CASS4: variants seen among roughly 807,000 people sequenced by gnomAD.
CASS4 encodes the protein cas scaffolding protein family member 4.
CASS4 carries 22 observed loss-of-function variants against 54.2 expected under a neutral mutation model. That is an observed-to-expected ratio of 0.41 (90% confidence interval 0.29 to 0.58). The LOEUF is 0.58. CASS4 is among the 20% of genes least tolerant of loss of function. The probability of loss-of-function intolerance (pLI) is 0.36; values close to 1 mark genes in which losing one functional copy is unlikely to be tolerated. For missense variants in CASS4, 854 were observed against 986.7 expected, an observed-to-expected ratio of 0.87 and a Z score of 1.80; for synonymous variants, 409 against 391.5, an observed-to-expected ratio of 1.04 and a Z score of -0.53.
intron 1 of CASS4, among the ~76,000 whole-genome samples, chr20:56,420,934 C>T (rs888520239): frequency 4.6e-5 from 7 of 152,152 alleles, no homozygotes; most frequent in African/African-American, 1.4e-4. Context: ...AACAACTAAA[C>T]GAACAAACCT....
In CASS4 at chr20:56,445,905, C is replaced by T; in HGVS notation, c.465C>T (p.Ile155=). 8 of 1,612,846 alleles carry T rather than the reference C, an allele frequency of 5.0e-6. No individual in the cohort carries two copies. The highest frequency in any genetic ancestry group is 6.8e-6 in the Non-Finnish European group (8 of 1,178,988). The part of the protein sequence containing the change: ...EKTLSFPKQA[I]LTLPRPVRAS... ...TCTCCTCCTTTCTCTCCAAGGCCATCCTCACGCTTCCCAGACCTGTCCGGG... is the reference window on the plus strand; with the variant it reads ...TCTCCTCCTTTCTCTCCAAGGCCATTCTCACGCTTCCCAGACCTGTCCGGG... The change falls in exon 3 of 6, where the codon ATC becomes ATT. Residue 155 remains isoleucine (I), a synonymous_variant. Coordinates refer to ENST00000679887, the MANE Select transcript of CASS4 (RefSeq NM_020356.4).
rs1981460343 is a variant in CASS4, at chr20:56,458,837, G to A, written c.*90G>A. ...CTGCCCTATGGGAAAAGCCAGCCGG[G>A]GCATACACCAATGAGCTGAAACAGA... On this transcript the variant is annotated 3_prime_UTR_variant, in exon 6 of 6. Transcript: ENST00000679887. The A allele has an allele frequency of 3.0e-6, 4 of 1,312,472 alleles. No individual in the cohort carries two copies. The highest frequency in any genetic ancestry group is 4.1e-6 in the Non-Finnish European group (4 of 969,040). The allele number at this position is 1,312,472 out of a possible 1,614,324, so 81.3% of individuals were successfully genotyped here.
chr20:56,443,629 C>A (rs1231123892), intron 2 of CASS4, among the ~76,000 whole-genome samples: 1 of 151,968 alleles, frequency 6.6e-6, no homozygotes, highest in Admixed American at 6.6e-5. Context: ...AGGCAGCTCA[C>A]AAACAGGAAA....
chr20:56,438,483 G>A (rs1020610966), intron 2 of CASS4, among the ~76,000 whole-genome samples: 2 of 152,178 alleles, frequency 1.3e-5, no homozygotes, highest in African/African-American at 4.8e-5. Flanking sequence ...ACAACAAGCT[G>A]CTGTGCAGTT....
chr20:56,412,902 C>A lies in CASS4; in HGVS notation c.36+408C>A, dbSNP rs1209534166. On this transcript the variant is annotated intron_variant, in intron 1 of 5. Coordinates refer to ENST00000679887, the MANE Select transcript of CASS4 (RefSeq NM_020356.4). This position sits in a 1 kb window ranked among gnomAD's most constrained non-coding sequence, Gnocchi z 4.2. ...CACCTCCCAACAGCAGAGCCCAGAC[C>A]CTTGCCTGCAGCCTCCCGTGCTGAG... Among the ~76,000 whole-genome samples, 1 of 152,160 alleles carries A rather than the reference C, an allele frequency of 6.6e-6. No homozygotes were observed. The highest frequency in any genetic ancestry group is 2.4e-5 in the African/African-American group (1 of 41,450).
chr20:56,452,482 G>A lies in CASS4; in HGVS notation c.1306G>A (p.Asp436Asn), dbSNP rs755962074. Residue 436 changes from aspartate to asparagine, a missense_variant, in exon 5 of 6, where the codon GAC becomes AAC. Transcript: ENST00000679887. ...SEESAKELSL[D>N]LDVAKETVMA... ...GGAGTCAGCAAAGGAGCTCTCCTTG[G>A]ACCTGGATGTGGCCAAGGAGACAGT... is the stretch of plus-strand genomic sequence containing the variant. 5.0e-6 allele frequency: 8 copies of A among 1,613,666 alleles called. No individual in the cohort carries two copies. The East Asian group carries it at 1.8e-4, about 36-fold the overall frequency.
In CASS4 at chr20:56,412,590, G is replaced by A; in HGVS notation, c.36+96G>A. ...GCTTTAGTTGTGACTTTCTAATAAA[G>A]GTTGAATACCAGTGACGTGTGAGTT... is the stretch of plus-strand genomic sequence containing the variant. On this transcript the variant is annotated intron_variant, in intron 1 of 5. Coordinates refer to ENST00000679887, the MANE Select transcript of CASS4 (RefSeq NM_020356.4). This position sits in a 1 kb window ranked among gnomAD's most constrained non-coding sequence, Gnocchi z 4.2. The A allele has an allele frequency of 7.9e-7, 1 of 1,272,310 alleles. No homozygotes were observed. The highest frequency in any genetic ancestry group is 1.3e-5 in the South Asian group (1 of 76,894). The allele number at this position is 1,272,310 out of a possible 1,614,324, so 78.8% of individuals were successfully genotyped here. A position where few individuals can be genotyped will look rare whatever the true frequency, so the allele number is the denominator to read the frequency against.
intron 5 of CASS4, among the ~76,000 whole-genome samples, chr20:56,457,275 T>C (rs1313158181): frequency 1.3e-5 from 2 of 152,176 alleles, no homozygotes; most frequent in African/African-American, 4.8e-5. Context: ...GTGTGAAATT[T>C]AATGGAAAGA....
Position 56,437,296 on chromosome 20 carries a change from C to T in CASS4, c.169C>T (p.His57Tyr). The change falls in exon 2 of 6, where the codon CAT becomes TAT. Residue 57 changes from histidine (H) to tyrosine (Y), a missense_variant. Transcript: ENST00000679887. This position sits in a 1 kb window ranked among gnomAD's most constrained non-coding sequence, Gnocchi z 4.7. ...CGAGGGTTGGTGGAAGTGTTTGCTC[C>T]ATGGGAGGCAAGGCCTGGCCCCTGC... ...ESEGWWKCLL[H>Y]GRQGLAPANR... 6.2e-7 allele frequency: 1 copy of T among 1,614,142 alleles called. No homozygotes were observed.
At chr20:56,423,410 C>G (rs1979500055) in intron 1 of CASS4, among the ~76,000 whole-genome samples, 1 of 152,166 alleles carries the variant, frequency 6.6e-6, no homozygotes, top group Non-Finnish European at 1.5e-5. Context: ...TTCCAAATGA[C>G]TGTCACACCA....
intron 3 of CASS4, among the ~76,000 whole-genome samples, chr20:56,449,808 C>T (rs963575744): frequency 2.6e-5 from 4 of 151,992 alleles, no homozygotes; most frequent in African/African-American, 4.8e-5. Flanking sequence ...CATCCAGCTT[C>T]GTGTCTGGTC....
intron 2 of CASS4, 40 bp from the exon 3 acceptor site, chr20:56,445,860 G>A (rs755886334): frequency 6.9e-7 from 1 of 1,446,052 alleles, no homozygotes; most frequent in Non-Finnish European, 9.7e-7. Context: ...TCATCAGAGT[G>A]ACATTTCCTT....
rs62209459 is a variant in CASS4 at position 56,460,328 on chromosome 20, A to T, written c.*1581A>T. Reference sequence around the variant, plus strand: ...TTTGCCGTAGACAGTAATGGCAAAAACCACAATTGCTTTTGCACCACCCTA... The same window carrying T: ...TTTGCCGTAGACAGTAATGGCAAAATCCACAATTGCTTTTGCACCACCCTA... On this transcript the variant is annotated 3_prime_UTR_variant, in exon 6 of 6. Coordinates refer to ENST00000679887, the MANE Select transcript of CASS4 (RefSeq NM_020356.4). 0.12 allele frequency: 18,609 copies of T among 152,144 alleles called. 1,208 individuals carry two copies. The highest frequency in any genetic ancestry group is 0.17 in the South Asian group (827 of 4,792). The allele number at this position is 152,144 out of a possible 1,614,324, so 9.4% of individuals were successfully genotyped here.
intron 1 of CASS4, among the ~76,000 whole-genome samples, chr20:56,415,454 C>A (rs559967721): frequency 6.6e-6 from 1 of 152,296 alleles, no homozygotes; most frequent in South Asian, 2.1e-4. Context: ...CTATAAGATA[C>A]ATGTTTTAAG....
At chr20:56,434,640 T>C (rs2146278383) in intron 1 of CASS4, among the ~76,000 whole-genome samples, 1 of 148,832 alleles carries the variant, frequency 6.7e-6, no homozygotes, top group East Asian at 2.0e-4. Flanking sequence ...AGAGATGGGG[T>C]TTCACCATAT....
Position 56,444,267 on chromosome 20 carries a change from C to G in CASS4, c.460-1633C>G, listed in dbSNP as rs568335378. Among the ~76,000 whole-genome samples, 5 of 152,286 alleles carry G rather than the reference C, an allele frequency of 3.3e-5. No individual in the cohort carries two copies. In the East Asian group the frequency reaches 9.7e-4, roughly 30 times the overall value. ...ACCCTGACCCAGTCCTCAGAAACTG[C>G]TCCTCTGCCTGCGTTCCCCTCCCTC... On this transcript the variant is annotated intron_variant, in intron 2 of 5. Coordinates refer to ENST00000679887, the MANE Select transcript of CASS4 (RefSeq NM_020356.4).
chr20:56,432,899 G>GC (rs1021150123), intron 1 of CASS4, among the ~76,000 whole-genome samples: 30 of 152,162 alleles, frequency 2.0e-4, no homozygotes, highest in Non-Finnish European at 1.0e-4. Context: ...TGTGGGCAGG[G>GC]GCGTCACAGA....
intron 2 of CASS4, among the ~76,000 whole-genome samples, chr20:56,438,749 C>T (rs1203626333): frequency 1.3e-5 from 2 of 152,016 alleles, no homozygotes; most frequent in Non-Finnish European, 2.9e-5. Context: ...TCCAGCTACT[C>T]GGGAGACTGA....
rs1978944041 is a variant in CASS4 at position 56,412,802 on chromosome 20, C to G, written c.36+308C>G. 6.6e-6 allele frequency among the ~76,000 whole-genome samples: 1 copy of G among 152,148 alleles called. No individual in the cohort carries two copies. Among genetic ancestry groups the G allele is most frequent in the South Asian group, 2.1e-4 (1 of 4,830 alleles). On this transcript the variant is annotated intron_variant, in intron 1 of 5. Coordinates refer to ENST00000679887, the MANE Select transcript of CASS4 (RefSeq NM_020356.4). The surrounding 1 kb of genome is among the most constrained non-coding windows in gnomAD (Gnocchi z 4.2). ...AGCAAGATGCGAGTCTGCCTCAGCC[C>G]CCGCTAATTCCTTCTTTCTCTGGAC... is the stretch of plus-strand genomic sequence containing the variant.
Sources: gnomAD v4.1 joint callset for allele counts (sites outside exome capture counted in the v4.1 genomes callset) on GRCh38, gnomAD v4.1.1 for gene constraint, Gnocchi (gnomAD v3.1) non-coding constraint, MANE v1.5 for transcripts, NCBI Gene and HGNC (gene_info 2026-07-23, HGNC 2026-07-21) for gene names.